ZBTB7C: variants seen among roughly 807,000 people sequenced by gnomAD.
ZBTB7C encodes the protein zinc finger and BTB domain containing 7C.
A neutral mutation model predicts 25.7 loss-of-function variants in ZBTB7C; 8 were observed. The ratio of observed to expected loss-of-function variants is 0.31; its 90% CI spans 0.18 to 0.56. The LOEUF is 0.56. Ranked by LOEUF, ZBTB7C falls within the 20% of genes least tolerant of loss-of-function variation. The pLI is 0.91. For synonymous variants in ZBTB7C, 394 were observed against 369.0 expected (o/e 1.07, Z -0.78); for missense variants, 824 against 855.2 (o/e 0.96, Z 0.46).
chr18:48,104,118 G>A (rs562689783), intron 3 of ZBTB7C, among the ~76,000 whole-genome samples: 16 of 152,244 alleles, frequency 1.1e-4, no homozygotes, highest in Non-Finnish European at 1.3e-4. Context: ...TATCTGGCCC[G>A]TCCAAATCTC....
intron 2 of ZBTB7C, among the ~76,000 whole-genome samples, chr18:48,238,224 T>C (rs755898845): frequency 6.6e-6 from 1 of 152,222 alleles, no homozygotes; most frequent in Non-Finnish European, 1.5e-5. Context: ...TATTAATATT[T>C]GTTAAACTGT....
At chr18:48,060,262 A>G (rs2037077543) in intron 3 of ZBTB7C, among the ~76,000 whole-genome samples, 1 of 152,208 alleles carries the variant, frequency 6.6e-6, no homozygotes, top group Non-Finnish European at 1.5e-5. Flanking sequence ...GAGGGAAGGA[A>G]TAAACAAATA....
intron 2 of ZBTB7C, among the ~76,000 whole-genome samples, chr18:48,261,099 T>C (rs2044158578): frequency 6.6e-6 from 1 of 152,186 alleles, no homozygotes; most frequent in Non-Finnish European, 1.5e-5. Flanking sequence ...AGGATTGTAA[T>C]GAAGAGTTCC....
Position 48,167,566 on chromosome 18 carries a change from G to GTGTGTGTGTGTGTT in ZBTB7C, c.-17+18367_-17+18368insAACACACACACACA, listed in dbSNP as rs756309575. ...ATGCAGGCCACTGCATTGCTAGGGTGTGTGTGTGTGTGTGTGTGTGTGTGT... is the reference window on the plus strand; with the variant it reads ...ATGCAGGCCACTGCATTGCTAGGGTGTGTGTGTGTGTGTTTGTGTGTGTGTGTGTGTGTGTGTGT... On this transcript the variant is annotated intron_variant, in intron 3 of 4. Transcript: ENST00000590800. Among the ~76,000 whole-genome samples, 512 of 115,804 alleles carry GTGTGTGTGTGTGTT rather than the reference G, an allele frequency of 4.4e-3. 5 individuals are homozygous for GTGTGTGTGTGTGTT. The highest frequency in any genetic ancestry group is 0.019 in the East Asian group (60 of 3,142). 76.0% of individuals were successfully genotyped at this position (115,804 alleles called of 152,430 possible). A position where few individuals can be genotyped will look rare whatever the true frequency, so the allele number is the denominator to read the frequency against.
intron 3 of ZBTB7C, among the ~76,000 whole-genome samples, chr18:48,094,876 G>A (rs1239710521): frequency 2.0e-5 from 3 of 152,178 alleles, no homozygotes; most frequent in African/African-American, 7.2e-5. Flanking sequence ...GGTTCTACCT[G>A]GATGCAGCTC....
intron 2 of ZBTB7C, among the ~76,000 whole-genome samples, chr18:48,216,153 T>C (rs2042818667): frequency 6.6e-6 from 1 of 152,186 alleles, no homozygotes; most frequent in African/African-American, 2.4e-5. Context: ...GTGGGGGACT[T>C]AGAATTTTAT....
intron 2 of ZBTB7C, among the ~76,000 whole-genome samples, chr18:48,257,716 G>A (rs528310909): frequency 6.6e-6 from 1 of 151,898 alleles, no homozygotes; most frequent in Admixed American, 6.6e-5. Flanking sequence ...GGACTAAGTG[G>A]TATTTATCTC....
At chr18:48,162,402 A>C (rs1481794098) in intron 3 of ZBTB7C, 4 of 456,532 alleles carry the variant, frequency 8.8e-6, no homozygotes, top group Non-Finnish European at 1.8e-5. Context: ...TTGCATCTGT[A>C]AAATTGAGAT....
At chr18:48,399,165 A>G (rs2048101709) in intron 1 of ZBTB7C, among the ~76,000 whole-genome samples, 1 of 152,246 alleles carries the variant, frequency 6.6e-6, no homozygotes, top group South Asian at 2.1e-4. Context: ...TTTTAAAAAT[A>G]CCATGCGCAT....
chr18:48,107,594 A>C (rs936406677), intron 3 of ZBTB7C, among the ~76,000 whole-genome samples: 1 of 152,000 alleles, frequency 6.6e-6, no homozygotes. Context: ...TGGAGATAAG[A>C]AGGCTTGGAT....
chr18:48,060,165 T>C (rs1221584846), intron 3 of ZBTB7C, among the ~76,000 whole-genome samples: 1 of 152,068 alleles, frequency 6.6e-6, no homozygotes, highest in African/African-American at 2.4e-5. Flanking sequence ...GCCCAGCTCA[T>C]CCACCCTCTG....
At chr18:48,320,813 T>A (rs914800724) in intron 2 of ZBTB7C, among the ~76,000 whole-genome samples, 7 of 152,260 alleles carry the variant, frequency 4.6e-5, no homozygotes, top group African/African-American at 1.7e-4. Flanking sequence ...TGATTCCACA[T>A]GCTCTTTCCC....
At chr18:48,202,514 C>T (rs1053983065) in intron 2 of ZBTB7C, among the ~76,000 whole-genome samples, 1 of 150,146 alleles carries the variant, frequency 6.7e-6, no homozygotes. Flanking sequence ...GCCAGCTGGG[C>T]AGGGTCCTGG....
rs188462219 is a variant in ZBTB7C at position 48,212,661 on chromosome 18, A to C, written c.-78-26666T>G. Reference sequence around the variant, plus strand: ...GAACCTAAAACTGCTGTGAAAAGTAAATTTTATTAATAAAAAATATCTAAG... The same window carrying C: ...GAACCTAAAACTGCTGTGAAAAGTACATTTTATTAATAAAAAATATCTAAG... On this transcript the variant is annotated intron_variant, in intron 2 of 4. Coordinates refer to ENST00000590800, the MANE Select transcript of ZBTB7C (RefSeq NM_001318841.2). Among the ~76,000 whole-genome samples, 163 of 152,198 alleles carry C rather than the reference A, an allele frequency of 1.1e-3. 1 individual carries two copies. The highest frequency in any genetic ancestry group is 3.6e-3 in the African/African-American group (149 of 41,498).
intron 3 of ZBTB7C, among the ~76,000 whole-genome samples, chr18:48,116,228 C>T (rs939702723): frequency 3.9e-5 from 6 of 152,128 alleles, no homozygotes; most frequent in Admixed American, 6.5e-5. Flanking sequence ...CGAGCCCAGA[C>T]GCCCTGTGCA....
intron 2 of ZBTB7C, among the ~76,000 whole-genome samples, chr18:48,254,333 A>G (rs1225100646): frequency 6.6e-6 from 1 of 152,218 alleles, no homozygotes; most frequent in African/African-American, 2.4e-5. Context: ...AGGAGCAGAC[A>G]AGATGGCCCT....
intron 1 of ZBTB7C, among the ~76,000 whole-genome samples, chr18:48,385,091 C>G (rs1453391190): frequency 6.6e-6 from 1 of 152,206 alleles, no homozygotes; most frequent in Non-Finnish European, 1.5e-5. Flanking sequence ...GATGATGACT[C>G]ATGGTGCTAG....
At chr18:48,369,433 A>G (rs1376452182) in intron 1 of ZBTB7C, among the ~76,000 whole-genome samples, 1 of 152,196 alleles carries the variant, frequency 6.6e-6, no homozygotes, top group African/African-American at 2.4e-5. Context: ...AAGCCCTAAC[A>G]TATCAATAAT....
At position 48,400,466 on chromosome 18, in the gene ZBTB7C, G is replaced by A. The variant is rs568323023; in HGVS notation, c.-304+8760C>T. Among the ~76,000 whole-genome samples, 26 of 152,332 alleles carry A rather than the reference G, an allele frequency of 1.7e-4. 1 individual carries two copies. Among genetic ancestry groups the A allele is most frequent in the Admixed American group, 1.3e-3 (20 of 15,306 alleles). On this transcript the variant is annotated intron_variant, in intron 1 of 4. Transcript: ENST00000590800. ...AAACTATATGCCTATCAGTGGGCCAGGACAAAAGTCCTGTCTCAGGCCCCT... is the reference window on the plus strand; with the variant it reads ...AAACTATATGCCTATCAGTGGGCCAAGACAAAAGTCCTGTCTCAGGCCCCT...
Sources: allele counts gnomAD v4.1 joint callset (sites outside exome capture counted in the v4.1 genomes callset), GRCh38; gene constraint gnomAD v4.1.1; transcripts MANE v1.5; gene names NCBI Gene and HGNC (gene_info 2026-07-23, HGNC 2026-07-21).